Variants in PCBP3 observed in about 807,000 individuals in gnomAD.
The protein encoded by PCBP3 is poly(rC) binding protein 3, also known as poly(rC)-binding protein 3.
Under a neutral mutation model 52.7 loss-of-function variants are expected in PCBP3, and 25 were observed. The observed-to-expected ratio is 0.47, with a 90% CI of 0.35 to 0.66. The LOEUF (loss-of-function observed/expected upper bound fraction) is 0.66, where lower values mean the gene tolerates loss of function less well. PCBP3 is among the 30% of genes least tolerant of loss of function. The pLI is 0.01. For missense variants in PCBP3, 391 were observed against 490.3 expected, an observed-to-expected ratio of 0.80 and a Z score of 1.91; for synonymous variants, 162 against 183.0, an observed-to-expected ratio of 0.89 and a Z score of 0.93.
At chr21:45,814,758 T>A (rs1348277474) in intron 4 of PCBP3, among the ~76,000 whole-genome samples, 1 of 78,248 alleles carries the variant, frequency 1.3e-5, no homozygotes. Context: ...GATGAGTGAG[T>A]GGTGAGTGGT....
At chr21:45,938,313 A>G (rs1465491629) in intron 16 of PCBP3, among the ~76,000 whole-genome samples, 1 of 152,228 alleles carries the variant, frequency 6.6e-6, no homozygotes, top group African/African-American at 2.4e-5. Context: ...AAGGAGGGGT[A>G]TAGGAAGTGG....
chr21:45,866,635 G>T (rs1020103403), intron 5 of PCBP3, among the ~76,000 whole-genome samples: 1 of 152,146 alleles, frequency 6.6e-6, no homozygotes, highest in South Asian at 2.1e-4. Context: ...CCTGGGGAGG[G>T]GTCTGGTGGG....
chr21:45,727,677 T>C (rs747126797), intron 2 of PCBP3, among the ~76,000 whole-genome samples: 24 of 152,100 alleles, frequency 1.6e-4, no homozygotes, highest in Non-Finnish European at 2.6e-4. Flanking sequence ...CCTTGGGTGA[T>C]TGGGGCAGGT....
At chr21:45,851,543 G>A (rs1415474561) in intron 5 of PCBP3, among the ~76,000 whole-genome samples, 2 of 152,078 alleles carry the variant, frequency 1.3e-5, no homozygotes, top group Non-Finnish European at 2.9e-5. Context: ...GATGATACTG[G>A]TGACAGTCGA....
chr21:45,911,376 T>G (rs1047778266), intron 11 of PCBP3: 16 of 186,514 alleles, frequency 8.6e-5, no homozygotes, highest in South Asian at 1.8e-4. Context: ...CTCTTTACGT[T>G]GGAGTCAGGC....
intron 6 of PCBP3, among the ~76,000 whole-genome samples, chr21:45,897,281 G>A (rs1201191029): frequency 1.3e-5 from 2 of 152,168 alleles, no homozygotes; most frequent in Admixed American, 1.3e-4. Flanking sequence ...TCCCTTCACA[G>A]CGGCCGCAAA....
intron 2 of PCBP3, among the ~76,000 whole-genome samples, chr21:45,672,924 T>C (rs1338356545): frequency 1.3e-5 from 2 of 152,198 alleles, no homozygotes; most frequent in African/African-American, 2.4e-5. Flanking sequence ...GATGCTCAAC[T>C]GAGCAAAATG....
chr21:45,770,755 G>A (rs1172837849), intron 4 of PCBP3, among the ~76,000 whole-genome samples: 4 of 152,206 alleles, frequency 2.6e-5, no homozygotes, highest in Non-Finnish European at 5.9e-5. Context: ...GCCTTGTGGG[G>A]TGCTGAAAGG....
chr21:45,734,754 TC>T (rs1359318936), intron 2 of PCBP3, among the ~76,000 whole-genome samples: 1 of 152,210 alleles, frequency 6.6e-6, no homozygotes, highest in African/African-American at 2.4e-5. Flanking sequence ...CTGAACACCC[TC>T]GTCTCATATC....
chr21:45,905,573 G>T (rs959576549), intron 9 of PCBP3, among the ~76,000 whole-genome samples: 4 of 152,234 alleles, frequency 2.6e-5, no homozygotes, highest in Non-Finnish European at 4.4e-5. Flanking sequence ...GCAGACGCTG[G>T]TTCTCTCACA....
intron 4 of PCBP3, among the ~76,000 whole-genome samples, chr21:45,815,956 T>G (rs1603442400): frequency 6.4e-5 from 4 of 62,294 alleles, no homozygotes; most frequent in South Asian, 7.8e-4. Context: ...GATGAGTGAG[T>G]GGTGAGTAGT....
rs765389667 is a variant in PCBP3, at chr21:45,802,882, G to A, written c.-125-47079G>A. Among the ~76,000 whole-genome samples the A allele has an allele frequency of 1.3e-5, 2 of 152,206 alleles. No homozygotes were observed. Among genetic ancestry groups the A allele is most frequent in the Non-Finnish European group, 2.9e-5 (2 of 68,032 alleles). On this transcript the variant is annotated intron_variant, in intron 4 of 17. Transcript: ENST00000681687. The surrounding 1 kb of genome is among the most constrained non-coding windows in gnomAD (Gnocchi z 5.1). ...CTTTTAACCCTTGTCGTGTATAAAC[G>A]ACTCACTAGGTCTTGGTGCATTTTT...
intron 4 of PCBP3, among the ~76,000 whole-genome samples, chr21:45,835,160 A>T (rs547315438): frequency 5.2e-4 from 79 of 152,328 alleles, no homozygotes; most frequent in African/African-American, 1.9e-3. Flanking sequence ...GGTGAGAGCC[A>T]GATGAGGGGA....
chr21:45,715,224 G>C (rs2084131054), intron 2 of PCBP3, among the ~76,000 whole-genome samples: 1 of 152,170 alleles, frequency 6.6e-6, no homozygotes, highest in Non-Finnish European at 1.5e-5. Flanking sequence ...CCTATACAGA[G>C]GGGTATCAGT....
At chr21:45,714,377 C>G (rs541214275) in intron 2 of PCBP3, among the ~76,000 whole-genome samples, 1 of 152,318 alleles carries the variant, frequency 6.6e-6, no homozygotes, top group Admixed American at 6.5e-5. Flanking sequence ...CTTGGTGCCA[C>G]ACTGGGTTCT....
intron 1 of PCBP3, among the ~76,000 whole-genome samples, chr21:45,655,680 G>C (rs1253898750): frequency 1.3e-5 from 2 of 152,292 alleles, no homozygotes; most frequent in East Asian, 3.9e-4. Flanking sequence ...AAACTAAAGA[G>C]CTTCTGCACA....
At chr21:45,655,346 G>C (rs2079948119) in intron 1 of PCBP3, among the ~76,000 whole-genome samples, 1 of 151,882 alleles carries the variant, frequency 6.6e-6, no homozygotes, top group African/African-American at 2.4e-5. Flanking sequence ...AAACAATTTG[G>C]AATGTAAAAT....
At chr21:45,758,383 G>A (rs913092648) in intron 4 of PCBP3, among the ~76,000 whole-genome samples, 1 of 152,124 alleles carries the variant, frequency 6.6e-6, no homozygotes, top group African/African-American at 2.4e-5. Flanking sequence ...CCTTGAATCT[G>A]TAGATACATT....
intron 5 of PCBP3, among the ~76,000 whole-genome samples, chr21:45,863,721 C>T (rs1236750991): frequency 1.3e-5 from 2 of 152,196 alleles, no homozygotes; most frequent in Non-Finnish European, 2.9e-5. Flanking sequence ...CACATCAAAC[C>T]TGATCGTTCC....
Sources: gnomAD v4.1 joint callset for allele counts (sites outside exome capture counted in the v4.1 genomes callset) on GRCh38, gnomAD v4.1.1 for gene constraint, Gnocchi (gnomAD v3.1) non-coding constraint, MANE v1.5 for transcripts, NCBI Gene and HGNC (gene_info 2026-07-23, HGNC 2026-07-21) for gene names.